DNAH11: variants seen among roughly 807,000 people sequenced by gnomAD.
DNAH11 encodes dynein axonemal heavy chain 11.
Under a neutral mutation model 526.0 loss-of-function variants are expected in DNAH11, and 442 were observed. That is an observed-to-expected ratio of 0.84 (90% CI 0.78 to 0.91). The LOEUF (loss-of-function observed/expected upper bound fraction) is 0.91. DNAH11 is among the 40% of genes least tolerant of loss of function. DNAH11 has a pLI of 0.00. For missense variants in DNAH11, 6,989 were observed against 5,448.7 expected (o/e 1.28, Z -8.90); for synonymous variants, 2,461 against 1,935.9 (o/e 1.27, Z -7.12).
rs201592689 is a variant in DNAH11 at position 21,742,157 on chromosome 7, C to T, written c.8145C>T (p.Asn2715=). 1.6e-4 allele frequency: 258 copies of T among 1,613,704 alleles called. 1 individual carries two copies. In the Middle Eastern group the frequency reaches 1.8e-3, roughly 11 times the overall value. Residue 2715 remains asparagine, a synonymous_variant, in exon 49 of 82, where the codon AAC becomes AAT. Coordinates refer to ENST00000409508, the MANE Select transcript of DNAH11 (RefSeq NM_001277115.2). ...HYIFNLRDLS[N]VFQGILFASP... ...TCTTTAATCTGAGAGATTTATCAAA[C>T]GTCTTCCAGGTACCTTGACTGCTCT...
chr7:21,720,693 G>T, intron 43 of DNAH11, 32 bp from the exon 44 acceptor site: 1 of 1,527,364 alleles, frequency 6.5e-7, no homozygotes, highest in African/African-American at 1.4e-5. Context: ...TTAAAAAAAT[G>T]TTGCCTTATT....
chr7:21,814,030 T>G (rs77703640), intron 63 of DNAH11, among the ~76,000 whole-genome samples: 6 of 152,372 alleles, frequency 3.9e-5, no homozygotes, highest in Admixed American at 6.5e-5. Context: ...CTACATGGCA[T>G]AGCCTATTGC....
intron 10 of DNAH11, 31 bp from the exon 11 acceptor site, chr7:21,588,481 T>G: frequency 6.2e-7 from 1 of 1,611,556 alleles, no homozygotes; most frequent in Middle Eastern, 1.7e-4. Context: ...ATGTTCCCTT[T>G]CTTCCTCTTC....
rs1254527423 is a variant in DNAH11, at chr7:21,553,849, C to G, written c.496-4953C>G. Among the ~76,000 whole-genome samples, 4 of 152,234 alleles carry G rather than the reference C, an allele frequency of 2.6e-5. No individual in the cohort carries two copies. The South Asian group carries it at 8.3e-4, about 32-fold the overall frequency. ...TTTCTTCCTCTCTCCCTACAAAGAC[C>G]TTCTGAGCCTCCCTTAGTAATTTCT... is the stretch of plus-strand genomic sequence containing the variant. On this transcript the variant is annotated intron_variant, in intron 2 of 81. Coordinates refer to ENST00000409508, the MANE Select transcript of DNAH11 (RefSeq NM_001277115.2).
At chr7:21,742,219 C>G (rs1785937991) in intron 49 of DNAH11, 53 bp downstream of exon 49, 3 of 1,580,794 alleles carry the variant, frequency 1.9e-6, no homozygotes, top group East Asian at 2.2e-5. Flanking sequence ...AATGATAATA[C>G]TATGTATTAG....
At chr7:21,869,091 CA>C in intron 73 of DNAH11, 100 bp downstream of exon 73, 1 of 1,525,636 alleles carries the variant, frequency 6.6e-7, no homozygotes, top group East Asian at 2.4e-5. Context: ...CACCGCTGTG[CA>C]TGGCGATTTG....
intron 57 of DNAH11, among the ~76,000 whole-genome samples, chr7:21,783,148 A>G (rs139728419): frequency 9.2e-5 from 14 of 152,148 alleles, no homozygotes; most frequent in East Asian, 3.9e-4. Flanking sequence ...GTTCTGTAGC[A>G]TACAGAAAAT....
intron 5 of DNAH11, among the ~76,000 whole-genome samples, chr7:21,563,053 G>A (rs1008260690): frequency 6.6e-6 from 1 of 152,130 alleles, no homozygotes; most frequent in Non-Finnish European, 1.5e-5. Context: ...GTAGCCTTGG[G>A]AGCAAAATGG....
intron 65 of DNAH11, among the ~76,000 whole-genome samples, chr7:21,840,256 C>A (rs1727979405): frequency 6.6e-6 from 1 of 152,142 alleles, no homozygotes; most frequent in Non-Finnish European, 1.5e-5. Flanking sequence ...TAGAATTTTC[C>A]CAGTTGTTCA....
intron 27 of DNAH11, 32 bp from the exon 28 acceptor site, chr7:21,638,907 G>C (rs1425333062): frequency 6.3e-7 from 1 of 1,589,888 alleles, no homozygotes; most frequent in South Asian, 1.2e-5. Flanking sequence ...GAAGGGACAA[G>C]ATATGCTTAA....
chr7:21,756,756 A>C (rs542569164), intron 54 of DNAH11, among the ~76,000 whole-genome samples: 1 of 152,126 alleles, frequency 6.6e-6, no homozygotes, highest in South Asian at 2.1e-4. Context: ...GAACTTTAAA[A>C]TCACTTTGCT....
At chr7:21,854,705 G>A (rs968631870) in intron 68 of DNAH11, among the ~76,000 whole-genome samples, 2 of 151,934 alleles carry the variant, frequency 1.3e-5, no homozygotes, top group South Asian at 4.2e-4. Flanking sequence ...ACCACACCTG[G>A]CTAATTTTTG....
intron 61 of DNAH11, among the ~76,000 whole-genome samples, chr7:21,796,677 C>A (rs1218455615): frequency 1.3e-5 from 2 of 152,172 alleles, no homozygotes; most frequent in South Asian, 4.1e-4. Flanking sequence ...TGAGCATAGG[C>A]TGTGGGGCCA....
intron 65 of DNAH11, among the ~76,000 whole-genome samples, chr7:21,828,466 A>G (rs1790402819): frequency 6.6e-6 from 1 of 152,118 alleles, no homozygotes; most frequent in Non-Finnish European, 1.5e-5. Flanking sequence ...TTTTTCCCTT[A>G]ATAGTGTAAT....
Position 21,880,800 on chromosome 7 carries a change from C to T in DNAH11, c.12294C>T (p.Gly4098=). The change falls in exon 75 of 82, where the codon GGC becomes GGT. Residue 4098 remains glycine (G), a synonymous_variant. Coordinates refer to ENST00000409508, the MANE Select transcript of DNAH11 (RefSeq NM_001277115.2). ...HACVAGRLRF[G]PQGWSRSYPF... Reference sequence around the variant, plus strand: ...GTGTTGCTGGGAGACTGAGGTTTGGCCCCCAGGGCTGGAGCCGAAGCTATC... The same window carrying T: ...GTGTTGCTGGGAGACTGAGGTTTGGTCCCCAGGGCTGGAGCCGAAGCTATC... 6.2e-7 allele frequency: 1 copy of T among 1,613,938 alleles called. No homozygotes were observed. Among genetic ancestry groups the T allele is most frequent in the Non-Finnish European group, 8.5e-7 (1 of 1,179,886 alleles).
At position 21,801,278 on chromosome 7, in the gene DNAH11, TA is replaced by T. The variant is rs763121125; in HGVS notation, c.10165+6del. 1.9e-6 allele frequency: 3 copies of T among 1,613,752 alleles called. No individual in the cohort carries two copies. The highest frequency in any genetic ancestry group is 2.5e-6 in the Non-Finnish European group (3 of 1,179,824). Reference sequence around the variant, plus strand: ...ACTTGTCAAGGAACTTGAGGCAAGTTAAACCTTTTCTTCCAAACATTCTAAC... The same window carrying T: ...ACTTGTCAAGGAACTTGAGGCAAGTTAACCTTTTCTTCCAAACATTCTAAC... On this transcript the variant is annotated splice_donor_region_variant and intron_variant, in intron 62 of 81. Transcript: ENST00000409508.
At chr7:21,800,622 C>T (rs894627606) in intron 61 of DNAH11, among the ~76,000 whole-genome samples, 1 of 151,940 alleles carries the variant, frequency 6.6e-6, no homozygotes, top group Non-Finnish European at 1.5e-5. Context: ...CAGAGCAATA[C>T]TCATTCCAAA....
At position 21,818,573 on chromosome 7, in the gene DNAH11, T is replaced by C. The variant is rs113380258; in HGVS notation, c.10691+234T>C. 1.6e-3 allele frequency among the ~76,000 whole-genome samples: 243 copies of C among 152,320 alleles called. 1 individual carries two copies. Among genetic ancestry groups the C allele is most frequent in the African/African-American group, 5.7e-3 (235 of 41,574 alleles). On this transcript the variant is annotated intron_variant, in intron 65 of 81. Coordinates refer to ENST00000409508, the MANE Select transcript of DNAH11 (RefSeq NM_001277115.2). The stretch of plus-strand genomic sequence containing the variant: ...AATTCCTGATTTATGGGCCAAAAAA[T>C]GTATTGTTATAAATCTGAGAATCGT...
rs191644567 is a variant in DNAH11 at position 21,856,887 on chromosome 7, T to G, written c.11202+2432T>G. ...TCTACACCAACATTATACTTAATGT[T>G]GAAAATGGAATGCTTTTCGCTAAAA... is the stretch of plus-strand genomic sequence containing the variant. On this transcript the variant is annotated intron_variant, in intron 68 of 81. Coordinates refer to ENST00000409508, the MANE Select transcript of DNAH11 (RefSeq NM_001277115.2). 2.6e-3 allele frequency among the ~76,000 whole-genome samples: 394 copies of G among 152,326 alleles called. 2 individuals are homozygous for G. Among genetic ancestry groups the G allele is most frequent in the African/African-American group, 9.1e-3 (377 of 41,588 alleles).
Sources: allele counts gnomAD v4.1 joint callset (sites outside exome capture counted in the v4.1 genomes callset), GRCh38; gene constraint gnomAD v4.1.1; transcripts MANE v1.5; gene names NCBI Gene and HGNC (gene_info 2026-07-23, HGNC 2026-07-21).